The following PDE4D variants were observed in gnomAD, a reference collection of about 807,000 sequenced individuals.
The protein encoded by PDE4D is 3',5'-cyclic-AMP phosphodiesterase 4D.
Under a neutral mutation model 87.4 loss-of-function variants are expected in PDE4D, and 24 were observed. The ratio of observed to expected loss-of-function variants is 0.27; its 90% confidence interval spans 0.20 to 0.39. The LOEUF (loss-of-function observed/expected upper bound fraction) is 0.39, where lower values mean the gene tolerates loss of function less well. Among genes scored for constraint, PDE4D ranks in the 10% least tolerant of loss-of-function variants. The probability of loss-of-function intolerance (pLI) is 1.00; values close to 1 mark genes in which losing one functional copy is unlikely to be tolerated. For missense variants in PDE4D, 714 were observed against 1,041.0 expected, an observed-to-expected ratio of 0.69 and a Z score of 4.32; for synonymous variants, 384 against 383.2, an observed-to-expected ratio of 1.00 and a Z score of -0.02.
intron 1 of PDE4D, among the ~76,000 whole-genome samples, chr5:60,317,884 T>G (rs1040563655): frequency 1.3e-5 from 2 of 152,222 alleles, no homozygotes; most frequent in African/African-American, 4.8e-5. Flanking sequence ...CTTTTACATT[T>G]GCTAAGGAGA....
chr5:59,023,901 C>CTTT (rs200528506), intron 6 of PDE4D, among the ~76,000 whole-genome samples: 112 of 133,272 alleles, frequency 8.4e-4, no homozygotes, highest in African/African-American at 2.8e-3. Flanking sequence ...ATGAATTCTA[C>CTTT]TTTTTTTTTT....
chr5:60,020,726 T>C (rs1422111291), intron 2 of PDE4D, among the ~76,000 whole-genome samples: 4 of 152,212 alleles, frequency 2.6e-5, no homozygotes, highest in African/African-American at 4.8e-5. Context: ...GCAGCTAGGT[T>C]GATGCCACAT....
chr5:59,452,526 G>T lies in PDE4D; in HGVS notation c.456-236558C>A, dbSNP rs530845324. ...TGTATGCAAGGATTAGGGTCACCTA[G>T]CTAAGGGTGAAGCCATGGAGGAGAC... is the stretch of plus-strand genomic sequence containing the variant. On this transcript the variant is annotated intron_variant, in intron 1 of 14. Coordinates refer to ENST00000340635, the MANE Select transcript of PDE4D (RefSeq NM_001104631.2). Among the ~76,000 whole-genome samples the T allele has an allele frequency of 5.6e-4, 85 of 152,304 alleles. 2 individuals are homozygous for T. In the South Asian group the frequency reaches 0.017, roughly 30 times the overall value.
chr5:59,937,658 C>A (rs905149331), intron 3 of PDE4D, among the ~76,000 whole-genome samples: 4 of 152,166 alleles, frequency 2.6e-5, no homozygotes, highest in Admixed American at 2.0e-4. Flanking sequence ...GAATTAAGAC[C>A]CTACATTTAT....
intron 2 of PDE4D, among the ~76,000 whole-genome samples, chr5:60,075,453 T>C (rs1773183452): frequency 6.6e-6 from 1 of 152,192 alleles, no homozygotes; most frequent in South Asian, 2.1e-4. Flanking sequence ...TTTCTATCAT[T>C]TCAACCTTGG....
intron 1 of PDE4D, among the ~76,000 whole-genome samples, chr5:60,289,568 T>C (rs747987424): frequency 2.0e-5 from 3 of 152,134 alleles, no homozygotes; most frequent in Non-Finnish European, 4.4e-5. Flanking sequence ...ACTGCTGAAA[T>C]AGCAATAAAA....
rs935910027 is a variant in PDE4D, at chr5:59,215,571, G to C, written c.647+206C>G. ...TACATGCGTGTGTGTGTGTGTGTGT[G>C]TGTGTGTGTGTGTGTGTTAATCAAG... On this transcript the variant is annotated intron_variant, in intron 2 of 14. Transcript: ENST00000340635. The C allele has an allele frequency of 1.1e-4, 62 of 552,314 alleles. No individual in the cohort carries two copies. The African/African-American group carries it at 1.2e-3, about 10-fold the overall frequency. 34.2% of individuals were successfully genotyped at this position (552,314 alleles called of 1,614,324 possible).
intron 1 of PDE4D, among the ~76,000 whole-genome samples, chr5:59,436,331 G>A (rs1562185004): frequency 6.6e-6 from 1 of 152,024 alleles, no homozygotes; most frequent in Non-Finnish European, 1.5e-5. Context: ...CTTAAAATAA[G>A]GAATAGCCAA....
chr5:59,522,333 G>T (rs1335966560), intron 1 of PDE4D, among the ~76,000 whole-genome samples: 1 of 152,164 alleles, frequency 6.6e-6, no homozygotes, highest in African/African-American at 2.4e-5. Context: ...ACCCTTACAG[G>T]TATACTCAGG....
At chr5:60,130,358 G>T (rs1408450880) in intron 2 of PDE4D, among the ~76,000 whole-genome samples, 3 of 152,076 alleles carry the variant, frequency 2.0e-5, no homozygotes, top group African/African-American at 4.8e-5. Context: ...TGAGAAAAAA[G>T]TTACTGGAAT....
At position 59,741,117 on chromosome 5, in the gene PDE4D, G is replaced by A. The variant is rs185555981; in HGVS notation, c.455+152051C>T. 5.3e-5 allele frequency among the ~76,000 whole-genome samples: 8 copies of A among 152,210 alleles called. No individual in the cohort carries two copies. The East Asian group carries it at 5.8e-4, about 11-fold the overall frequency. The stretch of plus-strand genomic sequence containing the variant: ...GACAAGCTCTTCCCAATCTCCTTCC[G>A]TCCCCATCCCCAAAGGCTCTGGGTC... On this transcript the variant is annotated intron_variant, in intron 1 of 14. Transcript: ENST00000340635.
chr5:59,680,823 T>C (rs1264117198), intron 1 of PDE4D, among the ~76,000 whole-genome samples: 1 of 152,048 alleles, frequency 6.6e-6, no homozygotes, highest in Admixed American at 6.6e-5. Context: ...CACCGTAACT[T>C]CTCACAGAGT....
rs1491463938 is a variant in PDE4D at position 59,771,474 on chromosome 5, A to AGAGAGAGAGAG, written c.455+121693_455+121694insCTCTCTCTCTC. Among the ~76,000 whole-genome samples, 155 of 97,746 alleles carry AGAGAGAGAGAG rather than the reference A, an allele frequency of 1.6e-3. 1 individual carries two copies. The highest frequency in any genetic ancestry group is 4.9e-3 in the Middle Eastern group (1 of 204). 64.1% of individuals were successfully genotyped at this position (97,746 alleles called of 152,430 possible). A position where few individuals can be genotyped will look rare whatever the true frequency, so the allele number is the denominator to read the frequency against. On this transcript the variant is annotated intron_variant, in intron 1 of 14. Coordinates refer to ENST00000340635, the MANE Select transcript of PDE4D (RefSeq NM_001104631.2). Reference sequence around the variant, plus strand: ...GAAAGAAAGAAAGAAAGAAAGAAAGAAAGAAAGAAAGAGAGAGAGAGAGAG... The same window carrying AGAGAGAGAGAG: ...GAAAGAAAGAAAGAAAGAAAGAAAGAGAGAGAGAGAGAAGAAAGAAAGAGAGAGAGAGAGAG...
chr5:59,459,192 T>G (rs568910598), intron 1 of PDE4D, among the ~76,000 whole-genome samples: 1 of 152,332 alleles, frequency 6.6e-6, no homozygotes, highest in African/African-American at 2.4e-5. Flanking sequence ...AACAATAGTG[T>G]TTTTAAAAAC....
intron 1 of PDE4D, among the ~76,000 whole-genome samples, chr5:59,503,630 T>C (rs1808712533): frequency 6.6e-6 from 1 of 152,164 alleles, no homozygotes; most frequent in Non-Finnish European, 1.5e-5. Flanking sequence ...TCAAAGTATA[T>C]GCTTCTAAAT....
intron 1 of PDE4D, among the ~76,000 whole-genome samples, chr5:60,440,483 A>G (rs1583778024): frequency 6.6e-6 from 1 of 152,056 alleles, no homozygotes; most frequent in Non-Finnish European, 1.5e-5. Context: ...TTTCAGAAAC[A>G]TAAACAATCC....
At chr5:59,418,900 T>C (rs1794058557) in intron 1 of PDE4D, among the ~76,000 whole-genome samples, 1 of 152,178 alleles carries the variant, frequency 6.6e-6, no homozygotes, top group African/African-American at 2.4e-5. Context: ...TCTGCCCACC[T>C]TGGCCTCCCA....
intron 1 of PDE4D, among the ~76,000 whole-genome samples, chr5:60,349,959 A>G (rs1300887074): frequency 2.0e-5 from 3 of 152,186 alleles, no homozygotes; most frequent in Non-Finnish European, 4.4e-5. Context: ...ACATCAATGA[A>G]CAGATTGCCA....
chr5:59,852,259 A>T (rs1273374379), intron 1 of PDE4D, among the ~76,000 whole-genome samples: 3 of 152,066 alleles, frequency 2.0e-5, no homozygotes, highest in Non-Finnish European at 4.4e-5. Context: ...TCTTTTCTGT[A>T]GTCCCTTCCT....
Sources: allele counts gnomAD v4.1 joint callset (sites outside exome capture counted in the v4.1 genomes callset), GRCh38; gene constraint gnomAD v4.1.1; transcripts MANE v1.5; gene names NCBI Gene and HGNC (gene_info 2026-07-23, HGNC 2026-07-21).